Variants in ARID2 observed in about 807,000 individuals in gnomAD.
The protein encoded by ARID2 is AT-rich interactive domain-containing protein 2.
In ARID2, 32 loss-of-function variants were observed where a neutral mutation model predicts 184.6. That is an observed-to-expected ratio of 0.17 (90% CI 0.13 to 0.23). The LOEUF (loss-of-function observed/expected upper bound fraction) is 0.23. ARID2 is among the 10% of genes least tolerant of loss of function. ARID2 has a pLI of 1.00. For missense variants in ARID2, 1,696 were observed against 2,197.6 expected (o/e 0.77, Z 4.56); for synonymous variants, 836 against 772.6 (o/e 1.08, Z -1.36).
intron 3 of ARID2, among the ~76,000 whole-genome samples, chr12:45,792,373 C>G (rs1485752195): frequency 6.6e-6 from 1 of 152,100 alleles, no homozygotes; most frequent in Non-Finnish European, 1.5e-5. Flanking sequence ...GTTATTGTTA[C>G]CTAATATGTA....
At chr12:45,861,937 T>C (rs1328732306) in intron 16 of ARID2, among the ~76,000 whole-genome samples, 1 of 152,186 alleles carries the variant, frequency 6.6e-6, no homozygotes, top group African/African-American at 2.4e-5. Context: ...ATTTCACTCT[T>C]CATAATTAAT....
At chr12:45,826,502 T>C (rs975799078) in intron 6 of ARID2, among the ~76,000 whole-genome samples, 2 of 152,064 alleles carry the variant, frequency 1.3e-5, no homozygotes, top group Admixed American at 6.6e-5. Flanking sequence ...TTCATTGCAA[T>C]GTCCTCGGCC....
At chr12:45,765,303 C>G (rs567786562) in intron 3 of ARID2, among the ~76,000 whole-genome samples, 84 of 152,170 alleles carry the variant, frequency 5.5e-4, no homozygotes, top group African/African-American at 1.9e-3. Flanking sequence ...GACTCCTGTG[C>G]TCAAGTGATC....
chr12:45,875,637 A>G (rs1371797033), intron 16 of ARID2, among the ~76,000 whole-genome samples: 3 of 152,218 alleles, frequency 2.0e-5, no homozygotes, highest in Non-Finnish European at 4.4e-5. Context: ...AGCATTCTTT[A>G]TCAATGATGT....
intron 6 of ARID2, among the ~76,000 whole-genome samples, chr12:45,831,237 A>C (rs1371535309): frequency 2.6e-5 from 4 of 152,106 alleles, no homozygotes; most frequent in Non-Finnish European, 4.4e-5. Flanking sequence ...TAATATGTAC[A>C]TTCTAATACA....
chr12:45,811,263 A>C (rs1045103058), intron 3 of ARID2, among the ~76,000 whole-genome samples, 155 bp from the exon 4 acceptor site: 1 of 151,996 alleles, frequency 6.6e-6, no homozygotes, highest in African/African-American at 2.4e-5. Flanking sequence ...ATCTTACTCT[A>C]AACTGGAGTT....
chr12:45,755,296 A>G (rs952544719), intron 3 of ARID2, among the ~76,000 whole-genome samples: 1 of 152,214 alleles, frequency 6.6e-6, no homozygotes, highest in Non-Finnish European at 1.5e-5. Context: ...GGGAACATTA[A>G]TCTTACATTG....
At chr12:45,783,558 C>T (rs570562883) in intron 3 of ARID2, among the ~76,000 whole-genome samples, 1 of 152,324 alleles carries the variant, frequency 6.6e-6, no homozygotes, top group East Asian at 1.9e-4. Flanking sequence ...GGGATGGTTT[C>T]AGGATGATAT....
At chr12:45,832,550 C>T (rs919385813) in intron 6 of ARID2, among the ~76,000 whole-genome samples, 2 of 151,976 alleles carry the variant, frequency 1.3e-5, no homozygotes, top group Non-Finnish European at 2.9e-5. Context: ...AATTATAGCT[C>T]ACTGCAACCT....
chr12:45,860,057 G>A (rs1275946928), intron 15 of ARID2, among the ~76,000 whole-genome samples: 1 of 151,788 alleles, frequency 6.6e-6, no homozygotes, highest in Non-Finnish European at 1.5e-5. Flanking sequence ...AATAACAAAA[G>A]ATATAATTAG....
intron 3 of ARID2, among the ~76,000 whole-genome samples, chr12:45,742,144 CT>C (rs939071832): frequency 6.6e-6 from 1 of 152,170 alleles, no homozygotes; most frequent in Non-Finnish European, 1.5e-5. Context: ...GTTTGAAGTT[CT>C]TTTTGTGTTT....
intron 16 of ARID2, among the ~76,000 whole-genome samples, chr12:45,875,643 G>A (rs187056122): frequency 3.8e-4 from 58 of 152,330 alleles, no homozygotes; most frequent in African/African-American, 1.3e-3. Context: ...CTTTATCAAT[G>A]ATGTTAGCTA....
At chr12:45,855,912 G>C (rs1943638903) in intron 15 of ARID2, among the ~76,000 whole-genome samples, 4 of 151,890 alleles carry the variant, frequency 2.6e-5, no homozygotes, top group Admixed American at 2.6e-4. Flanking sequence ...TATTTTTGTA[G>C]AGTTGGGATC....
At chr12:45,885,976 G>GTCC (rs1213334700) in intron 16 of ARID2, among the ~76,000 whole-genome samples, 3 of 152,094 alleles carry the variant, frequency 2.0e-5, no homozygotes, top group African/African-American at 4.8e-5. Flanking sequence ...CAAATCTCAT[G>GTCC]TCCTCACATT....
intron 3 of ARID2, among the ~76,000 whole-genome samples, chr12:45,772,443 G>GAGACTGGAGATTGTC (rs1206011820): frequency 2.0e-5 from 3 of 152,092 alleles, no homozygotes; most frequent in Non-Finnish European, 2.9e-5. Context: ...TAAAAAGGCA[G>GAGACTGGAGATTGTC]AGACTGGAGA....
At position 45,810,975 on chromosome 12, in the gene ARID2, C is replaced by T. The variant is rs190507246; in HGVS notation, c.285-443C>T. On this transcript the variant is annotated intron_variant, in intron 3 of 20. Coordinates refer to ENST00000334344, the MANE Select transcript of ARID2 (RefSeq NM_152641.4). ...CTGTAATCCCAGCACTTTGGGAGGCCGAGGTGGGTGGGTCACGAGGTCAGG... is the reference window on the plus strand; with the variant it reads ...CTGTAATCCCAGCACTTTGGGAGGCTGAGGTGGGTGGGTCACGAGGTCAGG... 6.6e-5 allele frequency among the ~76,000 whole-genome samples: 10 copies of T among 151,800 alleles called. No individual in the cohort carries two copies. In the East Asian group the frequency reaches 1.6e-3, roughly 24 times the overall value.
In ARID2 at chr12:45,882,873, C is replaced by G. The variant is rs139229539; in HGVS notation, c.4923-8907C>G. ...AGCACAATGCCTTGCACATAAAATG[C>G]TTTTAACTAACATATTTTTGACTAA... On this transcript the variant is annotated intron_variant, in intron 16 of 20. Transcript: ENST00000334344. 1.2e-3 allele frequency among the ~76,000 whole-genome samples: 180 copies of G among 152,294 alleles called. 1 individual carries two copies. Among genetic ancestry groups the G allele is most frequent in the African/African-American group, 4.2e-3 (174 of 41,552 alleles).
At chr12:45,746,548 T>G (rs908822879) in intron 3 of ARID2, among the ~76,000 whole-genome samples, 1 of 152,240 alleles carries the variant, frequency 6.6e-6, no homozygotes, top group Non-Finnish European at 1.5e-5. Flanking sequence ...TGGTTTATGA[T>G]ACCATGTTGA....
At chr12:45,730,532 A>T (rs1412793792) in intron 2 of ARID2, among the ~76,000 whole-genome samples, 1 of 151,926 alleles carries the variant, frequency 6.6e-6, no homozygotes, top group Non-Finnish European at 1.5e-5. Context: ...GCTCTAGCAC[A>T]GGCGGAGACA....
Sources: allele counts gnomAD v4.1 joint callset (sites outside exome capture counted in the v4.1 genomes callset), GRCh38; gene constraint gnomAD v4.1.1; transcripts MANE v1.5; gene names NCBI Gene and HGNC (gene_info 2026-07-23, HGNC 2026-07-21).